TTC33: variants seen among roughly 807,000 people sequenced by gnomAD.
TTC33 encodes the protein tetratricopeptide repeat protein 33.
Under a neutral mutation model 29.4 loss-of-function variants are expected in TTC33, and 24 were observed. The ratio of observed to expected loss-of-function variants is 0.82; its 90% CI spans 0.59 to 1.15. The LOEUF (loss-of-function observed/expected upper bound fraction) is 1.15, where lower values mean the gene tolerates loss of function less well. Among genes scored for constraint, TTC33 ranks in the 50% most tolerant of loss-of-function variants. The pLI is 0.00. For missense variants in TTC33, 286 were observed against 310.4 expected, an observed-to-expected ratio of 0.92 and a Z score of 0.59; for synonymous variants, 107 against 100.3, an observed-to-expected ratio of 1.07 and a Z score of -0.40.
At chr5:40,754,766 A>T (rs915944784) in intron 1 of TTC33, among the ~76,000 whole-genome samples, 2 of 152,234 alleles carry the variant, frequency 1.3e-5, no homozygotes, top group African/African-American at 4.8e-5. Flanking sequence ...CTTTGAAGAA[A>T]ACTTAGCCAG....
chr5:40,741,749 G>A (rs1478081957), intron 2 of TTC33, among the ~76,000 whole-genome samples: 2 of 152,144 alleles, frequency 1.3e-5, no homozygotes, highest in African/African-American at 4.8e-5. Flanking sequence ...AGCACTCTGG[G>A]TGGCCAAGAA....
intron 2 of TTC33, among the ~76,000 whole-genome samples, chr5:40,734,165 C>A (rs1414955443): frequency 6.6e-6 from 1 of 152,204 alleles, no homozygotes; most frequent in Non-Finnish European, 1.5e-5. Flanking sequence ...CTTCCCCCTT[C>A]TCATTTCTCT....
intron 4 of TTC33, among the ~76,000 whole-genome samples, chr5:40,728,136 T>G (rs964475265): frequency 2.0e-5 from 3 of 151,528 alleles, no homozygotes; most frequent in African/African-American, 7.3e-5. Flanking sequence ...ACAAAAACAT[T>G]AGCCAGGCAT....
chr5:40,728,548 T>G, intron 3 of TTC33, 72 bp from the exon 4 acceptor site: 1 of 1,397,082 alleles, frequency 7.2e-7, no homozygotes, highest in Non-Finnish European at 9.6e-7. Flanking sequence ...AAAACCCTTT[T>G]CATTTTTTAA....
chr5:40,738,268 C>G (rs557288357), intron 2 of TTC33, among the ~76,000 whole-genome samples: 1 of 151,642 alleles, frequency 6.6e-6, no homozygotes, highest in East Asian at 1.9e-4. Flanking sequence ...AAAAATTAGC[C>G]AGGCATAGAG....
chr5:40,721,893 C>T (rs1742143132), intron 4 of TTC33, among the ~76,000 whole-genome samples: 1 of 152,110 alleles, frequency 6.6e-6, no homozygotes, highest in East Asian at 1.9e-4. Flanking sequence ...ATTTGCAAAT[C>T]ATATCTAAGG....
Position 40,746,862 on chromosome 5 carries a change from CAAG to C in TTC33, c.154_156del (p.Leu52del), listed in dbSNP as rs1020314473. 2 of 1,613,984 alleles carry C rather than the reference CAAG, an allele frequency of 1.2e-6. No individual in the cohort carries two copies. Among genetic ancestry groups the C allele is most frequent in the African/African-American group, 1.3e-5 (1 of 74,918 alleles). On this transcript the variant is annotated inframe_deletion, in exon 2 of 5. Coordinates refer to ENST00000337702, the MANE Select transcript of TTC33 (RefSeq NM_012382.3). Reference sequence around the variant, plus strand: ...TGTTTACTTTTCTCAGCACAGCCTTCAAGAAGAATTTCTTTCCTACGTTTAATG... The same window carrying C: ...TGTTTACTTTTCTCAGCACAGCCTTCAAGAATTTCTTTCCTACGTTTAATG...
chr5:40,751,710 G>A (rs755028805), intron 1 of TTC33, among the ~76,000 whole-genome samples: 2 of 152,168 alleles, frequency 1.3e-5, no homozygotes, highest in Non-Finnish European at 2.9e-5. Context: ...TGTAATCTCA[G>A]CACTTTGGGG....
At position 40,716,512 on chromosome 5, in the gene TTC33, T is replaced by A; in HGVS notation, c.436-14A>T. On this transcript the variant is annotated splice_polypyrimidine_tract_variant and intron_variant, in intron 4 of 4. Transcript: ENST00000337702. ...ACTTCGAATTGCCTAGAAAATAAGG[T>A]CAGAGTTTTTTGTTTTGGTTTTAAA... 1 of 1,554,476 alleles carries A rather than the reference T, an allele frequency of 6.4e-7. No homozygotes were observed. Among genetic ancestry groups the A allele is most frequent in the Non-Finnish European group, 8.7e-7 (1 of 1,150,672 alleles).
chr5:40,741,023 G>A (rs1337143019), intron 2 of TTC33, among the ~76,000 whole-genome samples: 1 of 151,182 alleles, frequency 6.6e-6, no homozygotes, highest in Non-Finnish European at 1.5e-5. Context: ...TAATCTCTCT[G>A]TCCACTACTT....
In TTC33 at chr5:40,725,703, G is replaced by A. The variant is rs185088317; in HGVS notation, c.435+2642C>T. The stretch of plus-strand genomic sequence containing the variant: ...CTTCCCTCTCTACCTTCTTCTTCAG[G>A]ATAAATCCCTTATGTATTCCTTTCT... On this transcript the variant is annotated intron_variant, in intron 4 of 4. Transcript: ENST00000337702. Among the ~76,000 whole-genome samples, 7 of 151,154 alleles carry A rather than the reference G, an allele frequency of 4.6e-5. No individual in the cohort carries two copies. In the East Asian group the frequency reaches 1.4e-3, roughly 29 times the overall value.
intron 1 of TTC33, among the ~76,000 whole-genome samples, 167 bp downstream of exon 1, chr5:40,755,657 G>C (rs1173878361): frequency 6.6e-6 from 1 of 152,178 alleles, no homozygotes; most frequent in African/African-American, 2.4e-5. Context: ...CTCCTATTCC[G>C]AAGGTCCTTT....
intron 2 of TTC33, among the ~76,000 whole-genome samples, chr5:40,730,657 C>T (rs1003620012): frequency 6.6e-6 from 1 of 152,134 alleles, no homozygotes; most frequent in Non-Finnish European, 1.5e-5. Flanking sequence ...TCAGGAGGAG[C>T]AGTCATGTAC....
chr5:40,744,685 T>G (rs1742758576), intron 2 of TTC33, among the ~76,000 whole-genome samples: 1 of 152,210 alleles, frequency 6.6e-6, no homozygotes. Flanking sequence ...CTATTCCTGC[T>G]GGTCATACAT....
chr5:40,755,441 G>A (rs1196253969), intron 1 of TTC33, among the ~76,000 whole-genome samples: 1 of 152,200 alleles, frequency 6.6e-6, no homozygotes, highest in Non-Finnish European at 1.5e-5. Flanking sequence ...TGCCCCGGAC[G>A]TCACCTGCGC....
chr5:40,716,618 G>A, intron 4 of TTC33, 120 bp from the exon 5 acceptor site: 2 of 659,794 alleles, frequency 3.0e-6, no homozygotes, highest in Non-Finnish European at 2.5e-6. Context: ...TTATCTTAAT[G>A]TACTAGAACA....
In TTC33 at chr5:40,735,247, C is replaced by T. The variant is rs1000864191; in HGVS notation, c.222-4904G>A. ...CAGTGAGACATGAATTATTGATTTA[C>T]ATTTTTAAAAGATCAGTCAGACCCA... On this transcript the variant is annotated intron_variant, in intron 2 of 4. Transcript: ENST00000337702. Among the ~76,000 whole-genome samples the T allele has an allele frequency of 5.3e-5, 8 of 152,136 alleles. No homozygotes were observed. The East Asian group carries it at 1.5e-3, about 29-fold the overall frequency.
intron 4 of TTC33, among the ~76,000 whole-genome samples, chr5:40,722,600 G>C (rs1021935053): frequency 6.6e-6 from 1 of 150,934 alleles, no homozygotes; most frequent in African/African-American, 2.4e-5. Flanking sequence ...CGGCCGCCCC[G>C]TCTGAGAAGT....
Position 40,712,942 on chromosome 5 carries a change from A to G in TTC33, c.*3203T>C, listed in dbSNP as rs1225658763. ...TAACCATATTTAATTGCAAGTGACT[A>G]AGGTAAATGACTTTAGGGATAACCT... On this transcript the variant is annotated 3_prime_UTR_variant, in exon 5 of 5. Transcript: ENST00000337702. Among the ~76,000 whole-genome samples the G allele has an allele frequency of 1.3e-5, 2 of 152,166 alleles. No individual in the cohort carries two copies. Among genetic ancestry groups the G allele is most frequent in the Non-Finnish European group, 2.9e-5 (2 of 68,030 alleles).
Sources: gnomAD v4.1 joint callset for allele counts (sites outside exome capture counted in the v4.1 genomes callset) on GRCh38, gnomAD v4.1.1 for gene constraint, MANE v1.5 for transcripts, NCBI Gene and HGNC (gene_info 2026-07-23, HGNC 2026-07-21) for gene names.